PIWIL2: variants seen among roughly 807,000 people sequenced by gnomAD.
The protein encoded by PIWIL2 is piwi like RNA-mediated gene silencing 2.
PIWIL2 carries 81 observed loss-of-function variants against 116.5 expected under a neutral mutation model. The ratio of observed to expected loss-of-function variants is 0.70; its 90% CI spans 0.58 to 0.84. The LOEUF (loss-of-function observed/expected upper bound fraction) is 0.84. PIWIL2 is among the 40% of genes least tolerant of loss of function. PIWIL2 has a pLI of 0.00. For synonymous variants in PIWIL2, 489 were observed against 429.5 expected, an observed-to-expected ratio of 1.14 and a Z score of -1.71; for missense variants, 1,272 against 1,212.3, an observed-to-expected ratio of 1.05 and a Z score of -0.73.
intron 1 of PIWIL2, among the ~76,000 whole-genome samples, chr8:22,277,689 A>G (rs1341954645): frequency 3.3e-5 from 5 of 152,156 alleles, no homozygotes; most frequent in Admixed American, 2.6e-4. Context: ...TGAAGGAAGA[A>G]TTTTGTAAAA....
intron 20 of PIWIL2, among the ~76,000 whole-genome samples, chr8:22,336,130 A>G (rs1330199835): frequency 6.6e-6 from 1 of 152,224 alleles, no homozygotes; most frequent in East Asian, 1.9e-4. Flanking sequence ...GATTTGCACA[A>G]CACTGTAGTC....
intron 12 of PIWIL2, 92 bp downstream of exon 12, chr8:22,304,960 G>T: frequency 1.2e-6 from 1 of 851,686 alleles, no homozygotes. Flanking sequence ...GGGAGCTGTG[G>T]AGTAGCAATC....
At chr8:22,349,419 G>A (rs13255264) in intron 20 of PIWIL2, among the ~76,000 whole-genome samples, 62,294 of 133,128 alleles carry the variant, frequency 0.47, 16,531 homozygotes, top group East Asian at 0.8. Flanking sequence ...ATGTGTGTGT[G>A]TATATATATA....
At chr8:22,295,667 CTGGCTTGG>C (rs1337317466) in intron 10 of PIWIL2, among the ~76,000 whole-genome samples, 4 of 152,144 alleles carry the variant, frequency 2.6e-5, no homozygotes, top group Non-Finnish European at 5.9e-5. Context: ...GCAGCTGTTA[CTGGCTTGG>C]TGTTCTACCA....
At chr8:22,351,681 G>T (rs2132113349) in intron 20 of PIWIL2, among the ~76,000 whole-genome samples, 1 of 150,616 alleles carries the variant, frequency 6.6e-6, no homozygotes, top group East Asian at 2.0e-4. Flanking sequence ...GGGACTACAG[G>T]TGTGCACCAC....
At chr8:22,294,445 T>C (rs1830840100) in intron 10 of PIWIL2, among the ~76,000 whole-genome samples, 1 of 142,748 alleles carries the variant, frequency 7.0e-6, no homozygotes, top group African/African-American at 2.6e-5. Context: ...ATCGAGACCA[T>C]CCTGGCCAAC....
At chr8:22,287,076 C>A (rs1830644546) in intron 6 of PIWIL2, among the ~76,000 whole-genome samples, 1 of 150,412 alleles carries the variant, frequency 6.6e-6, no homozygotes, top group Non-Finnish European at 1.5e-5. Context: ...CAAAGGAAGA[C>A]CCTATCTCAA....
intron 20 of PIWIL2, among the ~76,000 whole-genome samples, chr8:22,325,295 C>A (rs1162724670): frequency 1.3e-5 from 2 of 152,108 alleles, no homozygotes; most frequent in South Asian, 2.1e-4. Context: ...TGAGTGTGAG[C>A]ACACACTCCT....
At chr8:22,328,485 T>TTCATTGAAACAA (rs1831778731) in intron 20 of PIWIL2, among the ~76,000 whole-genome samples, 1 of 152,206 alleles carries the variant, frequency 6.6e-6, no homozygotes, top group Non-Finnish European at 1.5e-5. Flanking sequence ...CATTGAAACT[T>TTCATTGAAACAA]TCATAGGGAT....
In PIWIL2 at chr8:22,300,587, A is replaced by G. The variant is rs145299017; in HGVS notation, c.1182-3434A>G. Among the ~76,000 whole-genome samples, 395 of 152,324 alleles carry G rather than the reference A, an allele frequency of 2.6e-3. 3 individuals are homozygous for G. Among genetic ancestry groups the G allele is most frequent in the African/African-American group, 9.1e-3 (377 of 41,582 alleles). On this transcript the variant is annotated intron_variant, in intron 10 of 22. Coordinates refer to ENST00000356766, the MANE Select transcript of PIWIL2 (RefSeq NM_018068.5). ...TTAATTTTATAAGAAAGTCTTTCCCAAAGTGTCTGTACTGTTTTACATTCC... is the reference window on the plus strand; with the variant it reads ...TTAATTTTATAAGAAAGTCTTTCCCGAAGTGTCTGTACTGTTTTACATTCC...
rs1228586725 is a variant in PIWIL2, at chr8:22,278,810, T to C, written c.-46-531T>C. Among the ~76,000 whole-genome samples the C allele has an allele frequency of 3.9e-5, 6 of 152,146 alleles. No individual in the cohort carries two copies. The South Asian group carries it at 1.2e-3, about 32-fold the overall frequency. ...TCGGATCACTGGTGGCATTAGATTCTCATTGTGCAAACCCTCTTGTGAACT... is the reference window on the plus strand; with the variant it reads ...TCGGATCACTGGTGGCATTAGATTCCCATTGTGCAAACCCTCTTGTGAACT... On this transcript the variant is annotated intron_variant, in intron 1 of 22. Transcript: ENST00000356766.
rs1830715367 is a variant in PIWIL2, at chr8:22,289,772, A to G, written c.987-75A>G. 7.9e-6 allele frequency: 7 copies of G among 887,610 alleles called. No homozygotes were observed. The Middle Eastern group carries it at 8.2e-4, about 104-fold the overall frequency. 55.0% of individuals were successfully genotyped at this position (887,610 alleles called of 1,614,324 possible). ...TCTAACCGTTCAGACTTCCAAAGGC[A>G]AATGTAGCTAAGAATAATGGAACAT... is the stretch of plus-strand genomic sequence containing the variant. On this transcript the variant is annotated intron_variant, in intron 8 of 22. Transcript: ENST00000356766.
At chr8:22,297,719 G>A (rs1486264723) in intron 10 of PIWIL2, among the ~76,000 whole-genome samples, 2 of 152,112 alleles carry the variant, frequency 1.3e-5, no homozygotes, top group East Asian at 3.9e-4. Flanking sequence ...AAGGATCGGG[G>A]TCAGTGGATG....
At chr8:22,337,230 A>G (rs1340716248) in intron 20 of PIWIL2, among the ~76,000 whole-genome samples, 1 of 152,138 alleles carries the variant, frequency 6.6e-6, no homozygotes, top group Non-Finnish European at 1.5e-5. Context: ...AGAACAATGA[A>G]AAGAACTTAC....
At chr8:22,345,114 G>A (rs1035327737) in intron 20 of PIWIL2, among the ~76,000 whole-genome samples, 2 of 152,214 alleles carry the variant, frequency 1.3e-5, no homozygotes, top group Non-Finnish European at 2.9e-5. Flanking sequence ...GGAGTTTAAG[G>A]CTATAGTGTG....
At chr8:22,306,506 C>G (rs953090317) in intron 13 of PIWIL2, among the ~76,000 whole-genome samples, 2 of 152,114 alleles carry the variant, frequency 1.3e-5, no homozygotes, top group Non-Finnish European at 2.9e-5. Context: ...TTGGGCTCAG[C>G]TCCTGTGGGC....
At chr8:22,289,750 A>G (rs1208833369) in intron 8 of PIWIL2, 97 bp from the exon 9 acceptor site, 2 of 733,840 alleles carry the variant, frequency 2.7e-6, no homozygotes, top group Non-Finnish European at 4.8e-6. Context: ...AAACATTTCT[A>G]ACCGTTCAGA....
At position 22,296,343 on chromosome 8, in the gene PIWIL2, C is replaced by A. The variant is rs188961675; in HGVS notation, c.1181+5997C>A. Among the ~76,000 whole-genome samples, 93 of 152,200 alleles carry A rather than the reference C, an allele frequency of 6.1e-4. No individual in the cohort carries two copies. In the Middle Eastern group the frequency reaches 0.024, roughly 39 times the overall value. On this transcript the variant is annotated intron_variant, in intron 10 of 22. Coordinates refer to ENST00000356766, the MANE Select transcript of PIWIL2 (RefSeq NM_018068.5). ...TACAGGCATGAGCCACCGCGCCTGG[C>A]CCCCTCTTCCCTTCTTAAGGGGAAT...
intron 20 of PIWIL2, among the ~76,000 whole-genome samples, chr8:22,347,428 A>G (rs1832253026): frequency 6.6e-6 from 1 of 151,276 alleles, no homozygotes; most frequent in African/African-American, 2.4e-5. Context: ...CATGTTAGCC[A>G]GGATGGTCTC....
Sources: allele counts gnomAD v4.1 joint callset (sites outside exome capture counted in the v4.1 genomes callset), GRCh38; gene constraint gnomAD v4.1.1; transcripts MANE v1.5; gene names NCBI Gene and HGNC (gene_info 2026-07-23, HGNC 2026-07-21).